The following FAM171B variants were observed in gnomAD, a reference collection of about 807,000 sequenced individuals.
FAM171B encodes the protein protein FAM171B.
FAM171B carries 19 observed loss-of-function variants against 75.6 expected under a neutral mutation model. That is an observed-to-expected ratio of 0.25 (90% CI 0.18 to 0.37). The LOEUF is 0.37. Ranked by LOEUF, FAM171B falls within the 10% of genes least tolerant of loss-of-function variation. FAM171B has a pLI of 1.00. For synonymous variants in FAM171B, 367 were observed against 361.7 expected, an observed-to-expected ratio of 1.01 and a Z score of -0.17; for missense variants, 848 against 982.4, an observed-to-expected ratio of 0.86 and a Z score of 1.83.
chr2:186,719,741 A>C (rs1172623146), intron 1 of FAM171B, among the ~76,000 whole-genome samples: 1 of 152,236 alleles, frequency 6.6e-6, no homozygotes, highest in Non-Finnish European at 1.5e-5. Context: ...TTGGCATCAC[A>C]TTCTGGAAAG....
At chr2:186,735,807 CAA>C (rs1450266010) in intron 1 of FAM171B, among the ~76,000 whole-genome samples, 2 of 152,096 alleles carry the variant, frequency 1.3e-5, no homozygotes, top group East Asian at 1.9e-4. Flanking sequence ...TATTTTATAA[CAA>C]AATACTATTA....
intron 1 of FAM171B, among the ~76,000 whole-genome samples, chr2:186,708,252 C>T (rs529720371): frequency 3.3e-5 from 5 of 152,154 alleles, no homozygotes; most frequent in African/African-American, 1.2e-4. Flanking sequence ...ATACCTGCTT[C>T]GAAAAGCAAA....
chr2:186,709,872 A>G (rs1689786306), intron 1 of FAM171B, among the ~76,000 whole-genome samples: 1 of 152,232 alleles, frequency 6.6e-6, no homozygotes, highest in African/African-American at 2.4e-5. Flanking sequence ...ATGTAATTGC[A>G]CATAGCAGTT....
chr2:186,749,539 C>T (rs1313400738), intron 4 of FAM171B, among the ~76,000 whole-genome samples: 1 of 152,114 alleles, frequency 6.6e-6, no homozygotes, highest in Non-Finnish European at 1.5e-5. Context: ...TAATATTTGT[C>T]TTTCAGGTAA....
intron 1 of FAM171B, among the ~76,000 whole-genome samples, chr2:186,734,551 A>T (rs1322591312): frequency 3.9e-5 from 6 of 152,136 alleles, no homozygotes; most frequent in Non-Finnish European, 7.4e-5. Context: ...ATCCGCAGGC[A>T]GGTCATCCTG....
At chr2:186,724,815 T>C (rs1206561311) in intron 1 of FAM171B, among the ~76,000 whole-genome samples, 1 of 152,124 alleles carries the variant, frequency 6.6e-6, no homozygotes, top group Non-Finnish European at 1.5e-5. Flanking sequence ...TGGATCAGAA[T>C]GGATGAAGAT....
At chr2:186,743,623 A>G (rs1332023473) in intron 3 of FAM171B, 48 bp downstream of exon 3, 1 of 1,226,440 alleles carries the variant, frequency 8.2e-7, no homozygotes, top group Non-Finnish European at 1.2e-6. Context: ...TTATTGTCGT[A>G]TAACTGTACT....
chr2:186,734,139 G>A (rs1182127743), intron 1 of FAM171B, among the ~76,000 whole-genome samples: 1 of 152,156 alleles, frequency 6.6e-6, no homozygotes, highest in Non-Finnish European at 1.5e-5. Flanking sequence ...GAGACTGTAG[G>A]ATGGGTGTTA....
At chr2:186,716,154 A>T (rs1414968073) in intron 1 of FAM171B, among the ~76,000 whole-genome samples, 1 of 152,182 alleles carries the variant, frequency 6.6e-6, no homozygotes, top group Non-Finnish European at 1.5e-5. Flanking sequence ...CTGGGACTAT[A>T]GGTGTGCACC....
chr2:186,734,538 C>T (rs1169567083), intron 1 of FAM171B, among the ~76,000 whole-genome samples: 1 of 152,180 alleles, frequency 6.6e-6, no homozygotes, highest in Non-Finnish European at 1.5e-5. Context: ...GTGGGTAGCT[C>T]CTATCCGCAG....
At position 186,694,119 on chromosome 2, in the gene FAM171B, C is replaced by T. The variant is rs928500954; in HGVS notation, c.-55C>T. 5 of 1,424,270 alleles carry T rather than the reference C, an allele frequency of 3.5e-6. No homozygotes were observed. The African/African-American group carries it at 6.0e-5, about 17-fold the overall frequency. The allele number at this position is 1,424,270 out of a possible 1,614,324, so 88.2% of individuals were successfully genotyped here. ...CTGCCAGGAGCCCGCAGCCCTGGCG[C>T]CCGCCGCCGCCCGGAGCCCCGCAAT... On this transcript the variant is annotated 5_prime_UTR_variant, in exon 1 of 8. Coordinates refer to ENST00000304698, the MANE Select transcript of FAM171B (RefSeq NM_177454.4).
chr2:186,754,103 A>C, intron 6 of FAM171B, 54 bp downstream of exon 6: 1 of 1,342,812 alleles, frequency 7.4e-7, no homozygotes. Context: ...GTCTTGCTGG[A>C]ACGGATAGCA....
intron 1 of FAM171B, among the ~76,000 whole-genome samples, chr2:186,708,253 G>A (rs551690250): frequency 6.6e-6 from 1 of 152,228 alleles, no homozygotes; most frequent in East Asian, 1.9e-4. Flanking sequence ...TACCTGCTTC[G>A]AAAAGCAAAA....
intron 1 of FAM171B, among the ~76,000 whole-genome samples, chr2:186,716,658 G>A (rs187051616): frequency 7.2e-5 from 11 of 152,178 alleles, no homozygotes; most frequent in Admixed American, 3.9e-4. Flanking sequence ...TAGGTATGTC[G>A]TTTTAGAGGC....
chr2:186,717,170 G>T (rs558994975), intron 1 of FAM171B, among the ~76,000 whole-genome samples: 1 of 152,270 alleles, frequency 6.6e-6, no homozygotes, highest in Admixed American at 6.5e-5. Context: ...GAAAATAGCA[G>T]TGGTAACTGA....
At chr2:186,700,274 A>G (rs1318853354) in intron 1 of FAM171B, among the ~76,000 whole-genome samples, 3 of 151,936 alleles carry the variant, frequency 2.0e-5, no homozygotes, top group African/African-American at 2.4e-5. Context: ...TAGAGGTAAA[A>G]TGTACATATG....
chr2:186,725,343 C>CAAA (rs35999085), intron 1 of FAM171B, among the ~76,000 whole-genome samples: 4 of 126,978 alleles, frequency 3.2e-5, no homozygotes, highest in African/African-American at 9.1e-5. Flanking sequence ...GACTCTGTCT[C>CAAA]AAAAAAAAAA....
intron 5 of FAM171B, among the ~76,000 whole-genome samples, chr2:186,753,126 T>C (rs1247331149): frequency 6.6e-6 from 1 of 152,168 alleles, no homozygotes; most frequent in East Asian, 1.9e-4. Context: ...TTTTTCTAAG[T>C]ATGTCTGTGT....
chr2:186,747,605 AT>A (rs1340566782), intron 4 of FAM171B, among the ~76,000 whole-genome samples: 18 of 152,152 alleles, frequency 1.2e-4, no homozygotes, highest in Non-Finnish European at 1.5e-4. Context: ...TTCAGTTTGT[AT>A]TTTTTTCATA....
Sources: gnomAD v4.1 joint callset for allele counts (sites outside exome capture counted in the v4.1 genomes callset) on GRCh38, gnomAD v4.1.1 for gene constraint, MANE v1.5 for transcripts, NCBI Gene and HGNC (gene_info 2026-07-23, HGNC 2026-07-21) for gene names.